DNER: variants seen among roughly 807,000 people sequenced by gnomAD.
The protein encoded by DNER is delta and Notch-like epidermal growth factor-related receptor.
DNER carries 33 observed loss-of-function variants against 78.2 expected under a neutral mutation model. The ratio of observed to expected loss-of-function variants is 0.42; its 90% CI spans 0.32 to 0.56. The LOEUF (loss-of-function observed/expected upper bound fraction) is 0.56, where lower values mean the gene tolerates loss of function less well. Among genes scored for constraint, DNER ranks in the 20% least tolerant of loss-of-function variants. The pLI, the probability that DNER is intolerant of heterozygous loss-of-function variation, is 0.11. For missense variants in DNER, 918 were observed against 975.3 expected (o/e 0.94, Z 0.78); for synonymous variants, 417 against 384.8 (o/e 1.08, Z -0.98).
chr2:229,681,547 C>T (rs13418598), intron 1 of DNER, among the ~76,000 whole-genome samples: 4,031 of 152,084 alleles, frequency 0.027, 198 homozygotes, highest in African/African-American at 0.093. Flanking sequence ...AATAAATTCC[C>T]CCCTTGTCAC....
At chr2:229,386,953 T>C (rs1692880943) in intron 11 of DNER, among the ~76,000 whole-genome samples, 2 of 152,186 alleles carry the variant, frequency 1.3e-5, no homozygotes, top group Admixed American at 1.3e-4. Context: ...AAATACCATT[T>C]GACCCAGCAA....
rs780847880 is a variant in DNER at position 229,585,959 on chromosome 2, T to C, written c.746A>G (p.Gln249Arg). ...LWKVTATGFQ[Q>R]CSLIDGRSVT... Reference sequence around the variant, plus strand: ...ACTTCGTCCATCTATGAGGGAGCACTGTTGGAATCCTGTGGCCGTGACCTT... The same window carrying C: ...ACTTCGTCCATCTATGAGGGAGCACCGTTGGAATCCTGTGGCCGTGACCTT... The change falls in exon 4 of 13, where the codon CAG becomes CGG. Residue 249 changes from glutamine (Q) to arginine (R), a missense_variant. Gln to Arg is a conservative substitution (Grantham distance 43). Transcript: ENST00000341772. 2 of 1,614,152 alleles carry C rather than the reference T, an allele frequency of 1.2e-6. No homozygotes were observed. Among genetic ancestry groups the C allele is most frequent in the Non-Finnish European group, 1.7e-6 (2 of 1,180,000 alleles).
intron 1 of DNER, among the ~76,000 whole-genome samples, chr2:229,684,202 G>GTC (rs1699445468): frequency 6.6e-6 from 1 of 150,962 alleles, no homozygotes; most frequent in African/African-American, 2.4e-5. Context: ...GTGTGTGTGT[G>GTC]TGTGTGTGTT....
At chr2:229,640,875 G>T (rs1195355249) in intron 1 of DNER, among the ~76,000 whole-genome samples, 1 of 152,206 alleles carries the variant, frequency 6.6e-6, no homozygotes, top group East Asian at 1.9e-4. Context: ...ACAACACTGA[G>T]TTGCGGTTCG....
chr2:229,617,858 G>A (rs955716634), intron 1 of DNER, among the ~76,000 whole-genome samples: 1 of 151,958 alleles, frequency 6.6e-6, no homozygotes, highest in African/African-American at 2.4e-5. Flanking sequence ...AGGCTGTGGT[G>A]GGAGGATCGC....
chr2:229,419,728 GA>G (rs1446457968), intron 8 of DNER, among the ~76,000 whole-genome samples: 2 of 151,762 alleles, frequency 1.3e-5, no homozygotes, highest in Non-Finnish European at 2.9e-5. Flanking sequence ...CAATTCTTCT[GA>G]AAAGTAGTAT....
intron 3 of DNER, 148 bp from the exon 4 acceptor site, chr2:229,586,172 C>T (rs1697491777): frequency 1.0e-6 from 1 of 998,352 alleles, no homozygotes; most frequent in Admixed American, 2.9e-5. Flanking sequence ...ACGCGGGCGT[C>T]CACTGTAAAG....
chr2:229,553,749 G>T (rs779423001), intron 4 of DNER, among the ~76,000 whole-genome samples: 1 of 152,178 alleles, frequency 6.6e-6, no homozygotes, highest in South Asian at 2.1e-4. Flanking sequence ...TGTACTGGTT[G>T]AGAAAATAGA....
chr2:229,446,033 GT>G (rs926238325), intron 8 of DNER, among the ~76,000 whole-genome samples: 1 of 152,216 alleles, frequency 6.6e-6, no homozygotes, highest in African/African-American at 2.4e-5. Context: ...CCCTTTGGAA[GT>G]TCCAGGCCAG....
intron 5 of DNER, among the ~76,000 whole-genome samples, chr2:229,527,836 T>C (rs1053428478): frequency 2.0e-5 from 3 of 152,248 alleles, no homozygotes; most frequent in African/African-American, 4.8e-5. Context: ...GGAATGATTA[T>C]GTATTCACGA....
chr2:229,456,155 G>A (rs551213071), intron 7 of DNER, among the ~76,000 whole-genome samples: 2 of 152,092 alleles, frequency 1.3e-5, no homozygotes, highest in African/African-American at 4.8e-5. Context: ...AGTGAGGGCC[G>A]CATGGAGTTT....
At chr2:229,479,539 C>A (rs759117466) in intron 6 of DNER, among the ~76,000 whole-genome samples, 1 of 151,814 alleles carries the variant, frequency 6.6e-6, no homozygotes, top group Non-Finnish European at 1.5e-5. Flanking sequence ...ATGGCAAAAC[C>A]CTGTCTCTAC....
chr2:229,658,690 T>C (rs1457748306), intron 1 of DNER, among the ~76,000 whole-genome samples: 2 of 152,180 alleles, frequency 1.3e-5, no homozygotes, highest in Admixed American at 6.6e-5. Flanking sequence ...TACTCCTTTA[T>C]CTGAATGACA....
chr2:229,670,167 G>A (rs568857980), intron 1 of DNER, among the ~76,000 whole-genome samples: 85 of 152,336 alleles, frequency 5.6e-4, no homozygotes, highest in Middle Eastern at 3.4e-3. Context: ...GTCATTCAAA[G>A]GATCCAGGCC....
chr2:229,371,481 G>A (rs994099397), intron 11 of DNER, among the ~76,000 whole-genome samples: 1 of 152,242 alleles, frequency 6.6e-6, no homozygotes, highest in Non-Finnish European at 1.5e-5. Flanking sequence ...TGTCACGCTT[G>A]TGAGTCTGAC....
In DNER at chr2:229,609,954, T is replaced by C. The variant is rs562540015; in HGVS notation, c.277-18066A>G. On this transcript the variant is annotated intron_variant, in intron 1 of 12. Coordinates refer to ENST00000341772, the MANE Select transcript of DNER (RefSeq NM_139072.4). ...GCTAGAAATATTCAGAATGTGAAATTTTATCACATAAAAGTTTTTGCCATG... is the reference window on the plus strand; with the variant it reads ...GCTAGAAATATTCAGAATGTGAAATCTTATCACATAAAAGTTTTTGCCATG... 5.9e-5 allele frequency among the ~76,000 whole-genome samples: 9 copies of C among 152,302 alleles called. No homozygotes were observed. In the South Asian group the frequency reaches 1.0e-3, roughly 18 times the overall value.
chr2:229,663,359 T>C (rs565015058), intron 1 of DNER, among the ~76,000 whole-genome samples: 1 of 152,308 alleles, frequency 6.6e-6, no homozygotes, highest in South Asian at 2.1e-4. Context: ...GCCAATTTTT[T>C]TCCATGACTT....
At chr2:229,563,743 C>T (rs550894604) in intron 4 of DNER, among the ~76,000 whole-genome samples, 17 of 144,312 alleles carry the variant, frequency 1.2e-4, no homozygotes, top group African/African-American at 3.3e-4. Context: ...CACCCCATCA[C>T]CATCATCATC....
At chr2:229,595,965 G>A (rs142505790) in intron 1 of DNER, among the ~76,000 whole-genome samples, 226 of 148,406 alleles carry the variant, frequency 1.5e-3, no homozygotes, top group Middle Eastern at 7.0e-3. Context: ...TGATGCTGAC[G>A]TTTGACCCTT....
Sources: allele counts gnomAD v4.1 joint callset (sites outside exome capture counted in the v4.1 genomes callset), GRCh38; gene constraint gnomAD v4.1.1; transcripts MANE v1.5; gene names NCBI Gene and HGNC (gene_info 2026-07-23, HGNC 2026-07-21).